Variants in LINGO2 observed in about 807,000 individuals in gnomAD.
LINGO2 encodes leucine rich repeat and Ig domain containing 2.
LINGO2 carries 14 observed loss-of-function variants against 30.6 expected under a neutral mutation model. The ratio of observed to expected loss-of-function variants is 0.46; its 90% CI spans 0.30 to 0.72. The LOEUF is 0.72. LINGO2 is among the 30% of genes least tolerant of loss of function. The probability of loss-of-function intolerance (pLI) is 0.07; values close to 1 mark genes in which losing one functional copy is unlikely to be tolerated. For missense variants in LINGO2, 729 were observed against 751.7 expected (o/e 0.97, Z 0.35); for synonymous variants, 317 against 288.5 (o/e 1.10, Z -1.00).
rs555098829 is a variant in LINGO2, at chr9:28,547,926, A to G, written c.-364-71901T>C. On this transcript the variant is annotated intron_variant, in intron 1 of 5. Transcript: ENST00000379992. ...TACAAATTTCAGTAAAATAGTCAATATTAGTATTTTATGGTACTTTTGGTT... is the reference window on the plus strand; with the variant it reads ...TACAAATTTCAGTAAAATAGTCAATGTTAGTATTTTATGGTACTTTTGGTT... Among the ~76,000 whole-genome samples the G allele has an allele frequency of 2.6e-5, 4 of 152,260 alleles. No individual in the cohort carries two copies. The South Asian group carries it at 6.2e-4, about 24-fold the overall frequency.
chr9:28,251,039 A>G (rs746176280), intron 4 of LINGO2, among the ~76,000 whole-genome samples: 13 of 149,800 alleles, frequency 8.7e-5, no homozygotes, highest in Non-Finnish European at 1.5e-4. Flanking sequence ...CTGTAAGGGT[A>G]CATTCAAATT....
At chr9:28,905,692 T>C in the LINGO2 span, among the ~76,000 whole-genome samples, 1 of 152,052 alleles carries the variant, frequency 6.6e-6, no homozygotes, top group Admixed American at 6.6e-5. Context: ...AAAAGGGAAT[T>C]CTTTAACACT....
At chr9:28,659,626 T>C (rs978241309) in intron 1 of LINGO2, among the ~76,000 whole-genome samples, 5 of 152,024 alleles carry the variant, frequency 3.3e-5, no homozygotes, top group Admixed American at 6.6e-5. Context: ...TTTTTGTATT[T>C]TTTGTAGATA....
the LINGO2 span, among the ~76,000 whole-genome samples, chr9:28,885,230 C>A: frequency 2.0e-5 from 3 of 147,448 alleles, no homozygotes; most frequent in African/African-American, 7.5e-5. Flanking sequence ...GCCCCTTGTG[C>A]CTGTCAGTCC....
At chr9:28,959,610 C>CTCTCT in the LINGO2 span, among the ~76,000 whole-genome samples, 3,441 of 141,276 alleles carry the variant, frequency 0.024, 49 homozygotes, top group African/African-American at 0.036. Flanking sequence ...TCTCTCTCTC[C>CTCTCT]CTCACACACA....
intron 5 of LINGO2, among the ~76,000 whole-genome samples, chr9:28,003,846 AT>A (rs1305783391): frequency 4.6e-5 from 7 of 152,230 alleles, no homozygotes; most frequent in Non-Finnish European, 8.8e-5. Flanking sequence ...ACCTAACAAC[AT>A]TAAGTGAGGA....
At chr9:27,980,727 G>A (rs1820814155) in intron 5 of LINGO2, among the ~76,000 whole-genome samples, 1 of 151,892 alleles carries the variant, frequency 6.6e-6, no homozygotes, top group Non-Finnish European at 1.5e-5. Context: ...TTTCATAAGT[G>A]AGAGGTTGGC....
At chr9:28,657,025 G>A (rs1405607444) in intron 1 of LINGO2, among the ~76,000 whole-genome samples, 4 of 152,026 alleles carry the variant, frequency 2.6e-5, no homozygotes, top group Non-Finnish European at 5.9e-5. Context: ...ATAAGCCCAG[G>A]CAAGCCTTTA....
At chr9:28,037,065 T>C (rs1175395987) in intron 4 of LINGO2, among the ~76,000 whole-genome samples, 1 of 152,184 alleles carries the variant, frequency 6.6e-6, no homozygotes, top group East Asian at 1.9e-4. Flanking sequence ...CTTGGCTTAT[T>C]GTGGATGAAT....
intron 2 of LINGO2, among the ~76,000 whole-genome samples, chr9:28,439,028 T>C (rs1477291486): frequency 6.8e-6 from 1 of 147,412 alleles, no homozygotes; most frequent in Admixed American, 6.8e-5. Flanking sequence ...CAGATATCTA[T>C]ACATTATATA....
At chr9:28,896,634 T>C in the LINGO2 span, among the ~76,000 whole-genome samples, 1 of 152,130 alleles carries the variant, frequency 6.6e-6, no homozygotes, top group Non-Finnish European at 1.5e-5. Flanking sequence ...ATAAAACCTT[T>C]GGCTAGAAGG....
chr9:28,884,710 T>TAC, the LINGO2 span, among the ~76,000 whole-genome samples: 36 of 134,058 alleles, frequency 2.7e-4, no homozygotes, highest in East Asian at 9.2e-4. Flanking sequence ...TATATATATA[T>TAC]ACAAATTTGT....
At chr9:28,198,181 CA>C (rs1186784564) in intron 4 of LINGO2, among the ~76,000 whole-genome samples, 24 of 147,558 alleles carry the variant, frequency 1.6e-4, no homozygotes, top group Admixed American at 1.6e-3. Context: ...AAATGTCCAT[CA>C]ATAAGTTGAC....
chr9:28,864,027 T>C, the LINGO2 span, among the ~76,000 whole-genome samples: 2 of 152,136 alleles, frequency 1.3e-5, no homozygotes, highest in South Asian at 2.1e-4. Flanking sequence ...TGGTTATTAA[T>C]ATAGATGTCA....
the LINGO2 span, among the ~76,000 whole-genome samples, chr9:28,769,845 T>C: frequency 6.6e-6 from 1 of 151,952 alleles, no homozygotes; most frequent in African/African-American, 2.4e-5. Context: ...TTATTCTAAT[T>C]TTTAAATAAT....
chr9:28,278,742 C>A (rs2134118350), intron 4 of LINGO2, among the ~76,000 whole-genome samples: 1 of 152,306 alleles, frequency 6.6e-6, no homozygotes, highest in African/African-American at 2.4e-5. Context: ...ATGTTGTTTT[C>A]ATGCCTATTA....
chr9:28,472,317 C>T (rs1189059775), intron 2 of LINGO2, among the ~76,000 whole-genome samples: 3 of 145,930 alleles, frequency 2.1e-5, no homozygotes, highest in Non-Finnish European at 3.0e-5. Context: ...GCATTGACTT[C>T]AAGTTTTTTT....
the LINGO2 span, among the ~76,000 whole-genome samples, chr9:29,200,120 T>C: frequency 6.6e-6 from 1 of 151,992 alleles, no homozygotes; most frequent in South Asian, 2.1e-4. Flanking sequence ...TTTTCCCGGA[T>C]ACATGAAACC....
At chr9:28,363,372 A>G (rs1015973820) in intron 3 of LINGO2, among the ~76,000 whole-genome samples, 1 of 152,244 alleles carries the variant, frequency 6.6e-6, no homozygotes, top group African/African-American at 2.4e-5. Context: ...CCTGAGGCTA[A>G]GCAATCGTTT....
Sources: gnomAD v4.1 joint callset for allele counts (sites outside exome capture counted in the v4.1 genomes callset) on GRCh38, gnomAD v4.1.1 for gene constraint, MANE v1.5 for transcripts, NCBI Gene and HGNC (gene_info 2026-07-23, HGNC 2026-07-21) for gene names.